SCUBE1: variants seen among roughly 807,000 people sequenced by gnomAD.
SCUBE1 encodes the protein signal peptide, CUB and EGF-like domain-containing protein 1.
SCUBE1 carries 59 observed loss-of-function variants against 124.4 expected under a neutral mutation model. The ratio of observed to expected loss-of-function variants is 0.47; its 90% CI spans 0.38 to 0.59. The LOEUF (loss-of-function observed/expected upper bound fraction) is 0.59, where lower values mean the gene tolerates loss of function less well. Among genes scored for constraint, SCUBE1 ranks in the 20% least tolerant of loss-of-function variants. The pLI is 0.00. For missense variants in SCUBE1, 1,150 were observed against 1,371.2 expected, an observed-to-expected ratio of 0.84 and a Z score of 2.55; for synonymous variants, 545 against 550.9, an observed-to-expected ratio of 0.99 and a Z score of 0.15.
chr22:43,327,858 T>C (rs1252425408), intron 2 of SCUBE1, among the ~76,000 whole-genome samples: 1 of 152,188 alleles, frequency 6.6e-6, no homozygotes, highest in Non-Finnish European at 1.5e-5. Context: ...AATGTGAATA[T>C]ACTAAAGGCA....
intron 3 of SCUBE1, among the ~76,000 whole-genome samples, chr22:43,297,029 G>A (rs560068649): frequency 1.3e-4 from 20 of 152,360 alleles, no homozygotes; most frequent in African/African-American, 4.8e-4. Flanking sequence ...GAAAGGCTGA[G>A]CATTTGGAGC....
chr22:43,267,946 T>C (rs1003897025), intron 4 of SCUBE1, among the ~76,000 whole-genome samples: 1 of 152,182 alleles, frequency 6.6e-6, no homozygotes, highest in Non-Finnish European at 1.5e-5. Context: ...GGTGCTGGGT[T>C]CCAAGCCCTT....
At chr22:43,318,057 A>G (rs1601886704) in intron 3 of SCUBE1, among the ~76,000 whole-genome samples, 1 of 152,184 alleles carries the variant, frequency 6.6e-6, no homozygotes, top group Non-Finnish European at 1.5e-5. Flanking sequence ...TACCCTGCCC[A>G]CACCTTGAGT....
intron 4 of SCUBE1, among the ~76,000 whole-genome samples, chr22:43,286,272 C>A (rs57314247): frequency 0.015 from 2,297 of 152,364 alleles, 72 homozygotes; most frequent in African/African-American, 0.054. Flanking sequence ...CTCAAGGTCA[C>A]GAGATGGTCC....
rs1265902347 is a variant in SCUBE1 at position 43,343,253 on chromosome 22, C to G, written c.9G>C (p.Ala3=). ...CGCACAAGTGCCAGCGCACGGCCGCCGCGCCCATGCTCAATGCGGGCCCCG... is the reference window on the plus strand; with the variant it reads ...CGCACAAGTGCCAGCGCACGGCCGCGGCGCCCATGCTCAATGCGGGCCCCG... MG[A]AAVRWHLCVL... Residue 3 remains alanine, a synonymous_variant, in exon 1 of 22, where the codon GCG becomes GCC. Transcript: ENST00000360835. The G allele has an allele frequency of 3.4e-6, 4 of 1,177,470 alleles. No individual in the cohort carries two copies. In the African/African-American group the frequency reaches 4.9e-5, roughly 14 times the overall value. The allele number at this position is 1,177,470 out of a possible 1,614,324, so 72.9% of individuals were successfully genotyped here.
intron 4 of SCUBE1, among the ~76,000 whole-genome samples, chr22:43,271,909 T>C (rs1371937492): frequency 2.6e-5 from 4 of 152,172 alleles, no homozygotes; most frequent in Non-Finnish European, 5.9e-5. Context: ...CAACCAGCAC[T>C]CACCGGACAG....
In SCUBE1 at chr22:43,198,308, G is replaced by C. The variant is rs1920956137; in HGVS notation, c.*5689C>G. 3 of 348,390 alleles carry C rather than the reference G, an allele frequency of 8.6e-6. No homozygotes were observed. Among genetic ancestry groups the C allele is most frequent in the South Asian group, 6.5e-5 (3 of 46,500 alleles). 21.6% of individuals were successfully genotyped at this position (348,390 alleles called of 1,614,324 possible). On this transcript the variant is annotated 3_prime_UTR_variant, in exon 22 of 22. Transcript: ENST00000360835. ...GGCTCTGAGTGGCATGGTGCAGCAGGGGACTGGAGAGGCCTTGAGGCCATC... is the reference window on the plus strand; with the variant it reads ...GGCTCTGAGTGGCATGGTGCAGCAGCGGACTGGAGAGGCCTTGAGGCCATC...
chr22:43,261,521 C>A (rs1421099117), intron 5 of SCUBE1, among the ~76,000 whole-genome samples: 5 of 152,208 alleles, frequency 3.3e-5, no homozygotes, highest in Non-Finnish European at 2.9e-5. Context: ...AAAGGTATGG[C>A]AAGGCACCCA....
chr22:43,242,221 G>A (rs762961), intron 6 of SCUBE1, among the ~76,000 whole-genome samples: 2 of 152,052 alleles, frequency 1.3e-5, no homozygotes, highest in East Asian at 3.9e-4. Flanking sequence ...CAGAGGCTCC[G>A]GTGCTGCTGC....
chr22:43,242,143 T>C (rs1177073543), intron 6 of SCUBE1, among the ~76,000 whole-genome samples: 1 of 152,254 alleles, frequency 6.6e-6, no homozygotes, highest in Admixed American at 6.5e-5. Flanking sequence ...GGCTGGGGAC[T>C]GAAGTCTACA....
At chr22:43,227,999 T>C (rs1922395178) in intron 9 of SCUBE1, among the ~76,000 whole-genome samples, 1 of 152,182 alleles carries the variant, frequency 6.6e-6, no homozygotes, top group African/African-American at 2.4e-5. Context: ...CCACATTCTG[T>C]TAGTTCTTGA....
chr22:43,207,647 G>A (rs370837516), intron 20 of SCUBE1, 34 bp from the exon 21 acceptor site: 9 of 1,525,746 alleles, frequency 5.9e-6, no homozygotes, highest in African/African-American at 4.1e-5. Flanking sequence ...AGAGGAAGGC[G>A]AGGGGCTTGA....
chr22:43,237,261 C>T (rs116829231), intron 7 of SCUBE1, among the ~76,000 whole-genome samples: 1,892 of 152,276 alleles, frequency 0.012, 33 homozygotes, highest in African/African-American at 0.044. Context: ...TCCCAGTAGC[C>T]CCCTCTTGGG....
At chr22:43,242,285 C>G (rs1257739686) in intron 6 of SCUBE1, among the ~76,000 whole-genome samples, 1 of 152,186 alleles carries the variant, frequency 6.6e-6, no homozygotes, top group Non-Finnish European at 1.5e-5. Context: ...TCCAGCTCCC[C>G]CATCTCTGAG....
rs1396732758 is a variant in SCUBE1 at position 43,202,971 on chromosome 22, G to A, written c.*1026C>T. 1 of 152,380 alleles carries A rather than the reference G, an allele frequency of 6.6e-6. No homozygotes were observed. The highest frequency in any genetic ancestry group is 1.5e-5 in the Non-Finnish European group (1 of 68,176). 9.4% of individuals were successfully genotyped at this position (152,380 alleles called of 1,614,324 possible). On this transcript the variant is annotated 3_prime_UTR_variant, in exon 22 of 22. Coordinates refer to ENST00000360835, the MANE Select transcript of SCUBE1 (RefSeq NM_173050.5). ...GTCACTGCCACAGGGCAAGAGCCAA[G>A]GCCCCTTTCGCCGTTTATTGCTGGG...
intron 1 of SCUBE1, among the ~76,000 whole-genome samples, chr22:43,342,233 A>T (rs1601907303): frequency 7.0e-6 from 1 of 142,666 alleles, no homozygotes; most frequent in Non-Finnish European, 1.5e-5. Flanking sequence ...GCCCCTGAAG[A>T]CAGAGAGCAG....
At chr22:43,230,120 G>A (rs1017064416) in intron 8 of SCUBE1, among the ~76,000 whole-genome samples, 2 of 152,182 alleles carry the variant, frequency 1.3e-5, no homozygotes, top group Non-Finnish European at 2.9e-5. Context: ...GGGTACTTGC[G>A]GCACCTGGGC....
At chr22:43,334,851 G>C (rs77770136) in intron 2 of SCUBE1, among the ~76,000 whole-genome samples, 5,845 of 152,164 alleles carry the variant, frequency 0.038, 129 homozygotes, top group African/African-American at 0.047. Flanking sequence ...TATGAAATAA[G>C]TACTAACATT....
chr22:43,302,597 C>A (rs2146764893), intron 3 of SCUBE1, among the ~76,000 whole-genome samples: 1 of 152,292 alleles, frequency 6.6e-6, no homozygotes, highest in African/African-American at 2.4e-5. Flanking sequence ...GAGCTCCAAG[C>A]AGTGTGCAGC....
Sources: allele counts gnomAD v4.1 joint callset (sites outside exome capture counted in the v4.1 genomes callset), GRCh38; gene constraint gnomAD v4.1.1; transcripts MANE v1.5; gene names NCBI Gene and HGNC (gene_info 2026-07-23, HGNC 2026-07-21).